The following GMNN variants were observed in gnomAD, a reference collection of about 807,000 sequenced individuals.
The protein encoded by GMNN is geminin DNA replication inhibitor.
In GMNN, 14 loss-of-function variants were observed where a neutral mutation model predicts 20.9. That is an observed-to-expected ratio of 0.67 (90% CI 0.44 to 1.05). The LOEUF is 1.05. GMNN is among the 50% of genes least tolerant of loss of function. The probability of loss-of-function intolerance (pLI) is 0.00; values close to 1 mark genes in which losing one functional copy is unlikely to be tolerated. For synonymous variants in GMNN, 81 were observed against 85.8 expected (o/e 0.94, Z 0.31); for missense variants, 227 against 243.8 (o/e 0.93, Z 0.46).
chr6:24,781,529 C>A lies in GMNN; in HGVS notation c.182C>A (p.Thr61Lys). The change falls in exon 4 of 7, where the codon ACA becomes AAA. Residue 61 changes from threonine to lysine, a missense_variant. By Grantham distance (78) the Thr-to-Lys change is moderately conservative. Transcript: ENST00000230056. ...RKHRNDHLTS[T>K]TSSPGVIVPE... The stretch of plus-strand genomic sequence containing the variant: ...CATCGGAATGACCACTTAACATCTA[C>A]AACTTCCAGCCCTGGGGTTATTGTC... 1 of 1,589,584 alleles carries A rather than the reference C, an allele frequency of 6.3e-7. No individual in the cohort carries two copies. Among genetic ancestry groups the A allele is most frequent in the Non-Finnish European group, 8.6e-7 (1 of 1,161,722 alleles).
rs1780345760 is a variant in GMNN, at chr6:24,786,027, A to C, written c.*228A>C. On this transcript the variant is annotated 3_prime_UTR_variant, in exon 7 of 7. Coordinates refer to ENST00000230056, the MANE Select transcript of GMNN (RefSeq NM_015895.5). ...CAGCCATGACTTATGTTTATTACTA[A>C]ATAAACTTCAAACTCCTGTTGAACA... 2.5e-6 allele frequency: 1 copy of C among 402,194 alleles called. No homozygotes were observed. Among genetic ancestry groups the C allele is most frequent in the Non-Finnish European group, 4.4e-6 (1 of 227,918 alleles). 24.9% of individuals were successfully genotyped at this position (402,194 alleles called of 1,614,324 possible).
At chr6:24,778,661 G>A (rs974693725) in intron 2 of GMNN, among the ~76,000 whole-genome samples, 4 of 151,930 alleles carry the variant, frequency 2.6e-5, no homozygotes, top group Non-Finnish European at 5.9e-5. Context: ...CATTATATTC[G>A]CATTGACAAT....
At position 24,784,347 on chromosome 6, in the gene GMNN, A is replaced by G. The variant is rs369134576; in HGVS notation, c.358-97A>G. 5.6e-6 allele frequency: 4 copies of G among 712,564 alleles called. No individual in the cohort carries two copies. The East Asian group carries it at 7.4e-5, about 13-fold the overall frequency. The allele number at this position is 712,564 out of a possible 1,614,324, so 44.1% of individuals were successfully genotyped here. A position where few individuals can be genotyped will look rare whatever the true frequency, so the allele number is the denominator to read the frequency against. On this transcript the variant is annotated intron_variant, in intron 5 of 6. Coordinates refer to ENST00000230056, the MANE Select transcript of GMNN (RefSeq NM_015895.5). ...TCCCGTTGTGTTGAGAGTCAATTCT[A>G]TGCTGCATGTCCTCCATGTTATATA...
At position 24,780,045 on chromosome 6, in the gene GMNN, A is replaced by G. The variant is rs536110173; in HGVS notation, c.52-618A>G. On this transcript the variant is annotated intron_variant, in intron 2 of 6. Transcript: ENST00000230056. ...ACATGTAAGTATTTGAGGGATATTC[A>G]TGATTTAAGGAGGCCTGAAATGAAT... Among the ~76,000 whole-genome samples, 6 of 152,336 alleles carry G rather than the reference A, an allele frequency of 3.9e-5. No homozygotes were observed. In the South Asian group the frequency reaches 1.0e-3, roughly 26 times the overall value.
Position 24,785,841 on chromosome 6 carries a change from T to A in GMNN, c.*42T>A. The A allele has an allele frequency of 8.1e-7, 1 of 1,231,410 alleles. No homozygotes were observed. Among genetic ancestry groups the A allele is most frequent in the Non-Finnish European group, 1.2e-6 (1 of 857,108 alleles). 76.3% of individuals were successfully genotyped at this position (1,231,410 alleles called of 1,614,324 possible). On this transcript the variant is annotated 3_prime_UTR_variant, in exon 7 of 7. Transcript: ENST00000230056. ...ACTGTTGAGAATTTTACTGCCGAAGTTTACCTCCACTAGTTCTTTGTAGCA... is the reference window on the plus strand; with the variant it reads ...ACTGTTGAGAATTTTACTGCCGAAGATTACCTCCACTAGTTCTTTGTAGCA...
At chr6:24,778,573 C>T (rs1780133661) in intron 2 of GMNN, among the ~76,000 whole-genome samples, 1 of 151,882 alleles carries the variant, frequency 6.6e-6, no homozygotes, top group African/African-American at 2.4e-5. Context: ...TAAGCAAGTA[C>T]CTTTTGATGG....
At chr6:24,782,107 G>C (rs1780237816) in intron 4 of GMNN, among the ~76,000 whole-genome samples, 2 of 152,074 alleles carry the variant, frequency 1.3e-5, no homozygotes, top group Non-Finnish European at 2.9e-5. Context: ...AAAGGGTAGG[G>C]GGAAAGGATA....
chr6:24,784,681 C>A, intron 6 of GMNN, 127 bp downstream of exon 6: 2 of 507,054 alleles, frequency 3.9e-6, no homozygotes, highest in African/African-American at 2.0e-5. Context: ...GACTTAACTT[C>A]CTTCCTAACA....
chr6:24,781,468 T>TCAG lies in GMNN; in HGVS notation c.130-7_130-6insGCA. Reference sequence around the variant, plus strand: ...AAGTAAATACAGTTGATAAGTGTTTTCATTATAGCTGTCCGCAGGCTTGTC... The same window carrying TCAG: ...AAGTAAATACAGTTGATAAGTGTTTTCAGCATTATAGCTGTCCGCAGGCTTGTC... On this transcript the variant is annotated splice_polypyrimidine_tract_variant and intron_variant, in intron 3 of 6. Coordinates refer to ENST00000230056, the MANE Select transcript of GMNN (RefSeq NM_015895.5). The TCAG allele has an allele frequency of 6.4e-7, 1 of 1,567,504 alleles. No individual in the cohort carries two copies. Among genetic ancestry groups the TCAG allele is most frequent in the South Asian group, 1.1e-5 (1 of 86,960 alleles).
intron 4 of GMNN, 69 bp from the exon 5 acceptor site, chr6:24,784,018 T>G: frequency 4.3e-6 from 3 of 702,052 alleles, no homozygotes; most frequent in Non-Finnish European, 7.3e-6. Context: ...GATTGGAAAT[T>G]TTTTTGAAAC....
In GMNN at chr6:24,785,783, C is replaced by G; in HGVS notation, c.614C>G (p.Ala205Gly). Residue 205 changes from alanine (A) to glycine (G), a missense_variant, in exon 7 of 7, where the codon GCA becomes GGA. Physicochemically the swap from Ala to Gly is moderately conservative, Grantham distance 60 (BLOSUM62 0). Coordinates refer to ENST00000230056, the MANE Select transcript of GMNN (RefSeq NM_015895.5). ...AEGTVSSSTD[A>G]KPCI ...GGAACTGTATCTTCCTCTACGGATGCAAAGCCATGTATATGAAATGCATTA... is the reference window on the plus strand; with the variant it reads ...GGAACTGTATCTTCCTCTACGGATGGAAAGCCATGTATATGAAATGCATTA... 1 of 1,578,366 alleles carries G rather than the reference C, an allele frequency of 6.3e-7. No homozygotes were observed. The highest frequency in any genetic ancestry group is 2.3e-5 in the East Asian group (1 of 43,304).
intron 6 of GMNN, among the ~76,000 whole-genome samples, chr6:24,785,381 A>G (rs1780324492): frequency 6.6e-6 from 1 of 152,116 alleles, no homozygotes; most frequent in African/African-American, 2.4e-5. Context: ...TTGGGGAAGT[A>G]CCTGTTTATA....
intron 4 of GMNN, among the ~76,000 whole-genome samples, chr6:24,782,103 T>C (rs148674118): frequency 9.4e-4 from 141 of 150,378 alleles, no homozygotes; most frequent in African/African-American, 3.3e-3. Context: ...AAAAAAAGGG[T>C]AGGGGGAAAG....
chr6:24,778,031 C>T (rs1780118567), intron 2 of GMNN, among the ~76,000 whole-genome samples: 1 of 152,160 alleles, frequency 6.6e-6, no homozygotes. Flanking sequence ...CAAGTATTTA[C>T]TCTTATGACA....
At chr6:24,776,372 C>G (rs1780069679) in intron 1 of GMNN, among the ~76,000 whole-genome samples, 1 of 152,044 alleles carries the variant, frequency 6.6e-6, no homozygotes, top group Non-Finnish European at 1.5e-5. Flanking sequence ...CTTTGGTGAT[C>G]ATGCAGGTGA....
At position 24,775,249 on chromosome 6, in the gene GMNN, G is replaced by C. The variant is rs1219145036; in HGVS notation, c.-26+5G>C. 1 of 152,422 alleles carries C rather than the reference G, an allele frequency of 6.6e-6. No individual in the cohort carries two copies. The highest frequency in any genetic ancestry group is 2.4e-5 in the African/African-American group (1 of 41,460). The allele number at this position is 152,422 out of a possible 1,614,324, so 9.4% of individuals were successfully genotyped here. On this transcript the variant is annotated splice_donor_5th_base_variant and intron_variant, in intron 1 of 6. Coordinates refer to ENST00000230056, the MANE Select transcript of GMNN (RefSeq NM_015895.5). ...AGCTGCAGGGCCGCGGCCTGGGTAAGGGCGAAGGGGTTGTTGAACGGTCGC... is the reference window on the plus strand; with the variant it reads ...AGCTGCAGGGCCGCGGCCTGGGTAACGGCGAAGGGGTTGTTGAACGGTCGC...
At chr6:24,780,059 C>A (rs552975961) in intron 2 of GMNN, among the ~76,000 whole-genome samples, 1 of 152,166 alleles carries the variant, frequency 6.6e-6, no homozygotes, top group East Asian at 1.9e-4. Flanking sequence ...TTTAAGGAGG[C>A]CTGAAATGAA....
At chr6:24,776,073 G>A (rs1043553526) in intron 1 of GMNN, among the ~76,000 whole-genome samples, 5 of 151,766 alleles carry the variant, frequency 3.3e-5, no homozygotes, top group East Asian at 1.9e-4. Context: ...CAGGATGCCC[G>A]CACAAATTAG....
intron 4 of GMNN, among the ~76,000 whole-genome samples, chr6:24,782,808 G>A (rs1160603649): frequency 6.6e-6 from 1 of 151,608 alleles, no homozygotes; most frequent in African/African-American, 2.4e-5. Flanking sequence ...TAAAATAACT[G>A]CGAAGAAATC....
Sources: allele counts gnomAD v4.1 joint callset (sites outside exome capture counted in the v4.1 genomes callset), GRCh38; gene constraint gnomAD v4.1.1; transcripts MANE v1.5; gene names NCBI Gene and HGNC (gene_info 2026-07-23, HGNC 2026-07-21).